EML2: variants seen among roughly 807,000 people sequenced by gnomAD.
EML2 encodes the protein echinoderm microtubule-associated protein-like 2.
A neutral mutation model predicts 84.7 loss-of-function variants in EML2; 59 were observed. The observed-to-expected ratio is 0.70, with a 90% CI of 0.56 to 0.86. The LOEUF is 0.86. Ranked by LOEUF, EML2 falls within the 40% of genes least tolerant of loss-of-function variation. The pLI, the probability that EML2 is intolerant of heterozygous loss-of-function variation, is 0.00. For synonymous variants in EML2, 352 were observed against 348.9 expected, an observed-to-expected ratio of 1.01 and a Z score of -0.10; for missense variants, 818 against 855.6, an observed-to-expected ratio of 0.96 and a Z score of 0.55.
rs1973216463 is a variant in EML2, at chr19:45,632,779, C to A, written c.510+82G>T. ...TCCAGCAGGATTCCCGGCCCTCAAC[C>A]CAAGGGGCGGGTGAAAAGGTGCGGG... On this transcript the variant is annotated intron_variant, in intron 6 of 18. Transcript: ENST00000245925. 8.8e-6 allele frequency: 11 copies of A among 1,251,636 alleles called. No homozygotes were observed. The South Asian group carries it at 1.2e-4, about 14-fold the overall frequency. The allele number at this position is 1,251,636 out of a possible 1,614,324, so 77.5% of individuals were successfully genotyped here. A position where few individuals can be genotyped will look rare whatever the true frequency, so the allele number is the denominator to read the frequency against.
chr19:45,638,508 C>T lies in EML2; in HGVS notation c.176G>A (p.Trp59Ter). ...GGAGATTCCAGCAAAAGGATACACC[C>T]ACTCCAGCTTGAGCCGGCAAGAAGG... ...ELPSCRLKLE[W>*]VYGYRGRDCR... Residue 59 changes from tryptophan to a stop codon, truncating the protein, a stop_gained, in exon 3 of 19, where the codon TGG (tryptophan) becomes TAG (stop). Transcript: ENST00000245925. LOFTEE classifies it high-confidence loss of function. 6.2e-7 allele frequency: 1 copy of T among 1,614,054 alleles called. No individual in the cohort carries two copies.
intron 12 of EML2, among the ~76,000 whole-genome samples, chr19:45,618,003 G>T (rs1359468638): frequency 1.3e-5 from 2 of 152,150 alleles, no homozygotes; most frequent in African/African-American, 4.8e-5. Context: ...CTAGATGTGG[G>T]AATGCTGGGA....
At chr19:45,633,277 G>A in intron 4 of EML2, 138 bp from the exon 5 acceptor site, 1 of 849,428 alleles carries the variant, frequency 1.2e-6, no homozygotes, top group East Asian at 2.7e-5. Flanking sequence ...AGCAGTGAGC[G>A]GATGCCCTCC....
intron 9 of EML2, 97 bp from the exon 10 acceptor site, chr19:45,621,734 T>A: frequency 7.7e-7 from 1 of 1,292,934 alleles, no homozygotes; most frequent in Non-Finnish European, 1.0e-6. Flanking sequence ...CCATCCATTC[T>A]CACCCACTTT....
In EML2 at chr19:45,629,972, C is replaced by T; in HGVS notation, c.585G>A (p.Glu195=). The change falls in exon 7 of 19, where the codon GAG becomes GAA. Residue 195 remains glutamate (E), a synonymous_variant. Transcript: ENST00000245925. The part of the protein sequence containing the change: ...HMLSVWDWAK[E]TKVVDVKCSN... ...TCACCTTGACATCCACCACCTTGGT[C>T]TCCTTGGCCCAGTCCCACACCGAGA... 1 of 1,613,492 alleles carries T rather than the reference C, an allele frequency of 6.2e-7. No individual in the cohort carries two copies. Among genetic ancestry groups the T allele is most frequent in the Non-Finnish European group, 8.5e-7 (1 of 1,179,676 alleles).
At position 45,629,931 on chromosome 19, in the gene EML2, G is replaced by A. The variant is rs766912869; in HGVS notation, c.606+20C>T. 6.3e-6 allele frequency: 10 copies of A among 1,594,910 alleles called. No individual in the cohort carries two copies. The highest frequency in any genetic ancestry group is 1.3e-5 in the African/African-American group (1 of 74,482). ...CCCACAGTGGCACCCAGCAGGAGGG[G>A]ATGAGAAAAGTCACCTCACCTTGAC... On this transcript the variant is annotated intron_variant, in intron 7 of 18. Coordinates refer to ENST00000245925, the MANE Select transcript of EML2 (RefSeq NM_012155.4).
chr19:45,624,805 G>A lies in EML2; in HGVS notation c.755C>T (p.Pro252Leu), dbSNP rs1010650112. ...RQGLFEKHEKPKYVLCVTFLE... is the reference protein window; with the variant it reads ...RQGLFEKHEKLKYVLCVTFLE... ...AAAGGTCACACACAGCACATACTTC[G>A]GTTTCTCATGTTTCTAAGGTGGGGG... Residue 252 changes from proline (P) to leucine (L), a missense_variant, in exon 9 of 19, where the codon CCG (proline) becomes CTG (leucine). By Grantham distance (98) the Pro-to-Leu change is moderately conservative (BLOSUM62 -3). Coordinates refer to ENST00000245925, the MANE Select transcript of EML2 (RefSeq NM_012155.4). 3.7e-6 allele frequency: 6 copies of A among 1,612,310 alleles called. No individual in the cohort carries two copies. The highest frequency in any genetic ancestry group is 2.2e-5 in the East Asian group (1 of 44,808).
intron 6 of EML2, 110 bp from the exon 7 acceptor site, chr19:45,630,156 C>CTGGG: frequency 1.3e-6 from 1 of 762,026 alleles, no homozygotes; most frequent in South Asian, 1.5e-5. Context: ...AACCTTCAGG[C>CTGGG]TGGGCACAGT....
At chr19:45,620,928 A>C in intron 11 of EML2, 1 of 534,984 alleles carries the variant, frequency 1.9e-6, no homozygotes, top group Non-Finnish European at 3.6e-6. Context: ...GCTGTGGGAC[A>C]ACCTGTAGGG....
At chr19:45,636,420 T>C (rs1386290056) in intron 3 of EML2, among the ~76,000 whole-genome samples, 1 of 152,176 alleles carries the variant, frequency 6.6e-6, no homozygotes, top group Admixed American at 6.6e-5. Flanking sequence ...GCTGTTTTTT[T>C]TGTTTGTTTG....
intron 9 of EML2, among the ~76,000 whole-genome samples, chr19:45,622,666 A>G (rs1568453114): frequency 6.6e-6 from 1 of 152,134 alleles, no homozygotes; most frequent in Non-Finnish European, 1.5e-5. Context: ...CTTTGACTCA[A>G]GTGATCTGCC....
chr19:45,645,504 C>G, upstream of EML2: 1 of 1,365,306 alleles, frequency 7.3e-7, no homozygotes, highest in Non-Finnish European at 9.5e-7. Flanking sequence ...TGGGGTCATC[C>G]CCAGGATGCC....
chr19:45,636,414 T>G (rs960456765), intron 3 of EML2, among the ~76,000 whole-genome samples: 14 of 151,964 alleles, frequency 9.2e-5, no homozygotes, highest in Non-Finnish European at 1.8e-4. Flanking sequence ...GATTGGGCTG[T>G]TTTTTTTGTT....
rs1206550438 is a variant in EML2 at position 45,637,662 on chromosome 19, C to CTTTTT, written c.179+842_179+843insAAAAA. Among the ~76,000 whole-genome samples, 202 of 45,760 alleles carry CTTTTT rather than the reference C, an allele frequency of 4.4e-3. 4 individuals carry two copies. Among genetic ancestry groups the CTTTTT allele is most frequent in the Admixed American group, 0.036 (144 of 3,972 alleles). 30.0% of individuals were successfully genotyped at this position (45,760 alleles called of 152,430 possible). A position where few individuals can be genotyped will look rare whatever the true frequency, so the allele number is the denominator to read the frequency against. Reference sequence around the variant, plus strand: ...GGCTGGCTATTTTTTTTTTCTTTTTCTTTTCTTTTTTTTTTTTTTTTTTTT... The same window carrying CTTTTT: ...GGCTGGCTATTTTTTTTTTCTTTTTCTTTTTTTTTCTTTTTTTTTTTTTTTTTTTT... On this transcript the variant is annotated intron_variant, in intron 3 of 18. Coordinates refer to ENST00000245925, the MANE Select transcript of EML2 (RefSeq NM_012155.4).
At chr19:45,620,440 G>T (rs1015662984) in intron 11 of EML2, among the ~76,000 whole-genome samples, 1 of 152,040 alleles carries the variant, frequency 6.6e-6, no homozygotes, top group African/African-American at 2.4e-5. Context: ...TGGGTGCAGT[G>T]GTTCATGCCT....
At chr19:45,639,963 C>T (rs1041088324), upstream of EML2, 2 of 152,012 alleles carry the variant, frequency 1.3e-5, no homozygotes, top group Non-Finnish European at 2.9e-5. Context: ...CATTGCACTC[C>T]AGCCTGGGCA....
chr19:45,620,092 G>A (rs1273054373), intron 11 of EML2, among the ~76,000 whole-genome samples: 1 of 151,932 alleles, frequency 6.6e-6, no homozygotes, highest in Admixed American at 6.6e-5. Flanking sequence ...TCACAAAATG[G>A]AAATGTCTAA....
At chr19:45,643,722 C>G, upstream of EML2, 1 of 1,531,250 alleles carries the variant, frequency 6.5e-7, no homozygotes, top group Non-Finnish European at 8.7e-7. Flanking sequence ...CTCTGGGCTC[C>G]GCAGTGCAGC....
At chr19:45,614,391 C>G (rs1970802632) in intron 17 of EML2, among the ~76,000 whole-genome samples, 1 of 145,800 alleles carries the variant, frequency 6.9e-6, no homozygotes. Flanking sequence ...GTGGATCTCT[C>G]CTGGCCAGTT....
Sources: allele counts gnomAD v4.1 joint callset (sites outside exome capture counted in the v4.1 genomes callset), GRCh38; gene constraint gnomAD v4.1.1; transcripts MANE v1.5; gene names NCBI Gene and HGNC (gene_info 2026-07-23, HGNC 2026-07-21).